TCF4: variants seen among roughly 807,000 people sequenced by gnomAD.
TCF4 encodes the protein transcription factor 4.
A neutral mutation model predicts 82.1 loss-of-function variants in TCF4; 3 were observed. The ratio of observed to expected loss-of-function variants is 0.04; its 90% CI spans 0.02 to 0.09. The LOEUF (loss-of-function observed/expected upper bound fraction) is 0.09, where lower values mean the gene tolerates loss of function less well. Ranked by LOEUF, TCF4 falls within the 10% of genes least tolerant of loss-of-function variation. TCF4 has a pLI of 1.00. For missense variants in TCF4, 518 were observed against 852.7 expected, an observed-to-expected ratio of 0.61 and a Z score of 4.89; for synonymous variants, 276 against 309.6, an observed-to-expected ratio of 0.89 and a Z score of 1.14.
At chr18:55,282,997 TA>T (rs2062930200) in intron 8 of TCF4, among the ~76,000 whole-genome samples, 1 of 152,060 alleles carries the variant, frequency 6.6e-6, no homozygotes, top group Non-Finnish European at 1.5e-5. Flanking sequence ...ATTTGTTGAG[TA>T]AAAACTTCAT....
intron 2 of TCF4, among the ~76,000 whole-genome samples, chr18:55,621,809 A>ATATAT (rs1361137089): frequency 1.1e-5 from 1 of 88,382 alleles, no homozygotes; most frequent in African/African-American, 4.3e-5. Flanking sequence ...ATGTTATATT[A>ATATAT]TATATTATAT....
intron 6 of TCF4, chr18:55,400,871 A>T: frequency 1.1e-6 from 1 of 914,688 alleles, no homozygotes; most frequent in Admixed American, 2.5e-5. Context: ...TCCATAGGAT[A>T]CACTGTTATA....
chr18:55,396,938 G>A (rs376425134), intron 6 of TCF4, among the ~76,000 whole-genome samples: 1 of 152,168 alleles, frequency 6.6e-6, no homozygotes, highest in Non-Finnish European at 1.5e-5. Context: ...TATAAATGTG[G>A]AAGGAATGAT....
chr18:55,470,767 TAC>T (rs2096158888), intron 3 of TCF4, among the ~76,000 whole-genome samples: 2 of 152,356 alleles, frequency 1.3e-5, no homozygotes, highest in East Asian at 3.9e-4. Flanking sequence ...GCTCTAAGTC[TAC>T]AGATTCCTGC....
rs555266616 is a variant in TCF4 at position 55,443,389 on chromosome 18, T to A, written c.304+17630A>T. The stretch of plus-strand genomic sequence containing the variant: ...GGCAAGCGGTTTGTAAAGCAAACAG[T>A]TACCTCTCAATCTATCATTAGTGTT... On this transcript the variant is annotated intron_variant, in intron 5 of 19. Coordinates refer to ENST00000354452, the MANE Select transcript of TCF4 (RefSeq NM_001083962.2). Among the ~76,000 whole-genome samples, 11 of 152,308 alleles carry A rather than the reference T, an allele frequency of 7.2e-5. No individual in the cohort carries two copies. In the South Asian group the frequency reaches 2.3e-3, roughly 32 times the overall value.
intron 6 of TCF4, among the ~76,000 whole-genome samples, chr18:55,393,270 G>T (rs538854103): frequency 1.5e-4 from 23 of 152,262 alleles, no homozygotes; most frequent in Non-Finnish European, 2.5e-4. Flanking sequence ...AGGCTGAGGA[G>T]GGAGGATTGC....
chr18:55,373,572 G>C (rs111671352), intron 6 of TCF4, among the ~76,000 whole-genome samples: 24 of 152,202 alleles, frequency 1.6e-4, no homozygotes, highest in Middle Eastern at 3.4e-3. Context: ...CAGCAGTTTG[G>C]GAGGCTGAGG....
chr18:55,522,181 C>A (rs1045046562), intron 3 of TCF4, among the ~76,000 whole-genome samples: 1 of 152,168 alleles, frequency 6.6e-6, no homozygotes, highest in African/African-American at 2.4e-5. Context: ...CTCCTCTAGC[C>A]TTCTACTCTC....
chr18:55,541,097 T>C (rs2097161524), intron 3 of TCF4, among the ~76,000 whole-genome samples: 1 of 152,004 alleles, frequency 6.6e-6, no homozygotes, highest in African/African-American at 2.4e-5. Flanking sequence ...ATAATGACAG[T>C]GTAAAGATCT....
rs962449263 is a variant in TCF4 at position 55,491,340 on chromosome 18, G to T, written c.146-27203C>A. Among the ~76,000 whole-genome samples the T allele has an allele frequency of 1.1e-4, 16 of 152,154 alleles. No individual in the cohort carries two copies. The East Asian group carries it at 2.7e-3, about 26-fold the overall frequency. On this transcript the variant is annotated intron_variant, in intron 3 of 19. Coordinates refer to ENST00000354452, the MANE Select transcript of TCF4 (RefSeq NM_001083962.2). Reference sequence around the variant, plus strand: ...CTCCAGGCCAAATATTTAAACAGGGGTGCAAAGGATACACACACAGCAATC... The same window carrying T: ...CTCCAGGCCAAATATTTAAACAGGGTTGCAAAGGATACACACACAGCAATC...
At chr18:55,531,895 G>A (rs779205156) in intron 3 of TCF4, among the ~76,000 whole-genome samples, 1 of 152,120 alleles carries the variant, frequency 6.6e-6, no homozygotes, top group Non-Finnish European at 1.5e-5. Flanking sequence ...CAAACATGGT[G>A]AATATAATCT....
intron 3 of TCF4, among the ~76,000 whole-genome samples, chr18:55,523,365 T>C (rs1402014937): frequency 6.6e-6 from 1 of 151,894 alleles, no homozygotes; most frequent in African/African-American, 2.4e-5. Flanking sequence ...AAAACCATAG[T>C]AGTTAAATAA....
chr18:55,564,352 G>T (rs573353583), intron 3 of TCF4, among the ~76,000 whole-genome samples: 1 of 152,338 alleles, frequency 6.6e-6, no homozygotes, highest in African/African-American at 2.4e-5. Context: ...AGCATGCTCT[G>T]TTTGACTTTC....
chr18:55,334,342 T>A (rs956000484), intron 8 of TCF4, among the ~76,000 whole-genome samples: 3 of 152,182 alleles, frequency 2.0e-5, no homozygotes, highest in African/African-American at 7.2e-5. Flanking sequence ...GTATTTATAA[T>A]TAAGTGTGCA....
At chr18:55,264,842 C>T (rs951262923) in intron 11 of TCF4, 1 of 151,988 alleles carries the variant, frequency 6.6e-6, no homozygotes, top group Admixed American at 6.6e-5. Context: ...ATAATCAGTC[C>T]CTAAGTAGAG....
At chr18:55,519,433 C>CAAAAA (rs34106037) in intron 3 of TCF4, among the ~76,000 whole-genome samples, 15 of 116,854 alleles carry the variant, frequency 1.3e-4, no homozygotes, top group East Asian at 5.2e-4. Flanking sequence ...GACCCCGTCT[C>CAAAAA]AAAAAAAGAA....
chr18:55,457,517 C>G (rs2144654780), intron 5 of TCF4, among the ~76,000 whole-genome samples: 1 of 121,418 alleles, frequency 8.2e-6, no homozygotes, highest in Non-Finnish European at 1.7e-5. Context: ...GATGGGATCT[C>G]ACTTATTGCC....
chr18:55,395,871 A>G (rs936246828), intron 6 of TCF4, among the ~76,000 whole-genome samples: 5 of 152,234 alleles, frequency 3.3e-5, no homozygotes, highest in Admixed American at 3.3e-4. Flanking sequence ...ATTGGTTTTA[A>G]GGAAATTGCA....
chr18:55,525,852 CCA>C (rs2096977845), intron 3 of TCF4, among the ~76,000 whole-genome samples: 1 of 152,034 alleles, frequency 6.6e-6, no homozygotes. Context: ...AAGGCTTACC[CCA>C]GTTTCATGGA....
Sources: allele counts gnomAD v4.1 joint callset (sites outside exome capture counted in the v4.1 genomes callset), GRCh38; gene constraint gnomAD v4.1.1; transcripts MANE v1.5; gene names NCBI Gene and HGNC (gene_info 2026-07-23, HGNC 2026-07-21).